Variants in SMARCC1 observed in about 807,000 individuals in gnomAD.
SMARCC1 encodes the protein SWI/SNF complex subunit SMARCC1.
Under a neutral mutation model 147.4 loss-of-function variants are expected in SMARCC1, and 43 were observed. That is an observed-to-expected ratio of 0.29 (90% confidence interval 0.23 to 0.38). SMARCC1 has a LOEUF of 0.38. Ranked by LOEUF, SMARCC1 falls within the 10% of genes least tolerant of loss-of-function variation. SMARCC1 has a pLI of 1.00. For synonymous variants in SMARCC1, 495 were observed against 484.4 expected (o/e 1.02, Z -0.29); for missense variants, 1,119 against 1,381.1 (o/e 0.81, Z 3.01).
At chr3:47,647,644 T>G (rs1227132871) in intron 21 of SMARCC1, among the ~76,000 whole-genome samples, 1 of 152,184 alleles carries the variant, frequency 6.6e-6, no homozygotes, top group Admixed American at 6.5e-5. Context: ...TTGGGAGAAC[T>G]TAGTCTCAGA....
At chr3:47,615,306 T>C (rs2032624432) in intron 25 of SMARCC1, among the ~76,000 whole-genome samples, 1 of 152,250 alleles carries the variant, frequency 6.6e-6, no homozygotes, top group Non-Finnish European at 1.5e-5. Flanking sequence ...AGTAGCTGTA[T>C]GCCTGGAGGA....
chr3:47,655,950 T>C (rs1482403851), intron 21 of SMARCC1, among the ~76,000 whole-genome samples: 1 of 152,034 alleles, frequency 6.6e-6, no homozygotes, highest in African/African-American at 2.4e-5. Context: ...GGTTGGCTCA[T>C]GCCTGTAATC....
chr3:47,754,612 T>G (rs925966223), intron 2 of SMARCC1, among the ~76,000 whole-genome samples: 1 of 152,182 alleles, frequency 6.6e-6, no homozygotes, highest in African/African-American at 2.4e-5. Context: ...TGTAGAAATG[T>G]TGGGTAAAAG....
intron 7 of SMARCC1, among the ~76,000 whole-genome samples, chr3:47,717,349 G>C (rs978122113): frequency 1.3e-5 from 2 of 152,030 alleles, no homozygotes; most frequent in Non-Finnish European, 2.9e-5. Flanking sequence ...CCATACTGTG[G>C]TAAACGAAAC....
At chr3:47,704,368 C>A (rs1038878945) in intron 10 of SMARCC1, among the ~76,000 whole-genome samples, 5 of 152,154 alleles carry the variant, frequency 3.3e-5, no homozygotes, top group African/African-American at 1.2e-4. Context: ...GTGGTCATTA[C>A]AAGGCAAATG....
chr3:47,636,257 C>A (rs2032967201), intron 22 of SMARCC1, 121 bp from the exon 23 acceptor site: 2 of 619,338 alleles, frequency 3.2e-6, no homozygotes, highest in South Asian at 2.0e-5. Flanking sequence ...AGACTAGATT[C>A]AAAAGTGACT....
chr3:47,772,783 G>C (rs770701997), intron 2 of SMARCC1, 34 bp downstream of exon 2: 1 of 1,582,318 alleles, frequency 6.3e-7, no homozygotes, highest in Non-Finnish European at 8.6e-7. Context: ...CAGCAACTGA[G>C]GATGCCCAAA....
At chr3:47,615,724 C>T (rs2032632028) in intron 25 of SMARCC1, among the ~76,000 whole-genome samples, 1 of 152,110 alleles carries the variant, frequency 6.6e-6, no homozygotes, top group Non-Finnish European at 1.5e-5. Flanking sequence ...GCTCTTATTG[C>T]CCAGCCTAGA....
chr3:47,663,918 T>C lies in SMARCC1; in HGVS notation c.1900-1326A>G, dbSNP rs1344520427. ...TTGCTGGGTCTAGCTGTCACCGCTATGAAGTCTCAACCCTGAGCCCAGGGT... is the reference window on the plus strand; with the variant it reads ...TTGCTGGGTCTAGCTGTCACCGCTACGAAGTCTCAACCCTGAGCCCAGGGT... On this transcript the variant is annotated intron_variant, in intron 19 of 27. Coordinates refer to ENST00000254480, the MANE Select transcript of SMARCC1 (RefSeq NM_003074.4). The C allele has an allele frequency of 3.4e-6, 5 of 1,455,652 alleles. No homozygotes were observed. In the East Asian group the frequency reaches 1.1e-4, roughly 33 times the overall value. The allele number at this position is 1,455,652 out of a possible 1,614,324, so 90.2% of individuals were successfully genotyped here.
intron 21 of SMARCC1, among the ~76,000 whole-genome samples, chr3:47,645,812 G>A (rs1404545289): frequency 6.6e-6 from 1 of 152,146 alleles, no homozygotes; most frequent in African/African-American, 2.4e-5. Flanking sequence ...GGTAAGGCAA[G>A]CCAAATTTGA....
At chr3:47,749,730 A>AAGAGAG in intron 2 of SMARCC1, among the ~76,000 whole-genome samples, 1 of 50,510 alleles carries the variant, frequency 2.0e-5, no homozygotes, top group Admixed American at 2.7e-4. Context: ...CACACAGAGA[A>AAGAGAG]AGAGACAGAG....
chr3:47,698,030 A>AC (rs2033874652), intron 11 of SMARCC1, among the ~76,000 whole-genome samples: 1 of 149,640 alleles, frequency 6.7e-6, no homozygotes. Context: ...AAAAAAAAAA[A>AC]AAAGATAAAT....
At chr3:47,732,669 T>C (rs1012970786) in intron 5 of SMARCC1, among the ~76,000 whole-genome samples, 2 of 152,174 alleles carry the variant, frequency 1.3e-5, no homozygotes, top group Admixed American at 1.3e-4. Flanking sequence ...GGTAGAGAGA[T>C]AGAGAAGTGG....
At chr3:47,731,103 A>C (rs1471259804) in intron 5 of SMARCC1, among the ~76,000 whole-genome samples, 4 of 152,208 alleles carry the variant, frequency 2.6e-5, no homozygotes, top group Non-Finnish European at 5.9e-5. Flanking sequence ...TACACACAGC[A>C]GAATTTCTTT....
intron 11 of SMARCC1, among the ~76,000 whole-genome samples, chr3:47,699,388 T>C (rs1004471999): frequency 2.0e-5 from 3 of 152,190 alleles, no homozygotes; most frequent in Admixed American, 1.3e-4. Flanking sequence ...GACATTTTCC[T>C]TGCATCTTTG....
At chr3:47,640,793 ACTAGG>A (rs1321005155) in intron 21 of SMARCC1, among the ~76,000 whole-genome samples, 2 of 152,208 alleles carry the variant, frequency 1.3e-5, no homozygotes, top group African/African-American at 4.8e-5. Context: ...ATTAGACGAC[ACTAGG>A]CTAAATCTCA....
chr3:47,714,367 A>G, intron 8 of SMARCC1, 48 bp downstream of exon 8: 1 of 1,204,468 alleles, frequency 8.3e-7, no homozygotes, highest in Admixed American at 1.8e-5. Flanking sequence ...CATCTCAAAA[A>G]AAATTTTAAA....
chr3:47,774,045 G>A (rs942390942), intron 1 of SMARCC1, among the ~76,000 whole-genome samples: 3 of 151,598 alleles, frequency 2.0e-5, no homozygotes, highest in African/African-American at 4.9e-5. Flanking sequence ...GCTAACTTTC[G>A]AACTACCATC....
chr3:47,778,502 G>T (rs1246596433), intron 1 of SMARCC1, among the ~76,000 whole-genome samples: 2 of 151,784 alleles, frequency 1.3e-5, no homozygotes, highest in Non-Finnish European at 2.9e-5. Flanking sequence ...GTTTTGTTTT[G>T]AGACAGGGTC....
Sources: gnomAD v4.1 joint callset for allele counts (sites outside exome capture counted in the v4.1 genomes callset) on GRCh38, gnomAD v4.1.1 for gene constraint, MANE v1.5 for transcripts, NCBI Gene and HGNC (gene_info 2026-07-23, HGNC 2026-07-21) for gene names.